The following LRRC42 variants were observed in gnomAD, a reference collection of about 807,000 sequenced individuals.
LRRC42 encodes the protein leucine rich repeat containing 42.
In LRRC42, 43 loss-of-function variants were observed where a neutral mutation model predicts 44.3. The ratio of observed to expected loss-of-function variants is 0.97; its 90% CI spans 0.76 to 1.25. The LOEUF is 1.25. LRRC42 is among the 50% of genes most tolerant of loss of function. LRRC42 has a pLI of 0.00. For missense variants in LRRC42, 540 were observed against 509.1 expected (o/e 1.06, Z -0.58); for synonymous variants, 207 against 195.2 (o/e 1.06, Z -0.50).
At chr1:53,964,215 T>C (rs1655069176) in intron 7 of LRRC42, among the ~76,000 whole-genome samples, 1 of 151,922 alleles carries the variant, frequency 6.6e-6, no homozygotes, top group Admixed American at 6.6e-5. Flanking sequence ...GAAACATGCA[T>C]GACTTATGTA....
rs1173256197 is a variant in LRRC42 at position 53,967,949 on chromosome 1, A to G, written c.*10A>G. The G allele has an allele frequency of 6.2e-7, 1 of 1,606,508 alleles. No homozygotes were observed. The highest frequency in any genetic ancestry group is 8.5e-7 in the Non-Finnish European group (1 of 1,174,662). ...GTTAAATTCCTATTGATTAGTAGAT[A>G]CAAGTTGACCTTTCTCTGGCCCCCA... On this transcript the variant is annotated 3_prime_UTR_variant, in exon 9 of 9. Coordinates refer to ENST00000371370, the MANE Select transcript of LRRC42 (RefSeq NM_001256409.2).
chr1:53,960,277 A>T (rs1191639625), intron 4 of LRRC42, 79 bp from the exon 5 acceptor site: 10 of 943,486 alleles, frequency 1.1e-5, no homozygotes, highest in African/African-American at 5.0e-5. Context: ...TTTAAATGAA[A>T]ATGTTGAAAG....
intron 7 of LRRC42, among the ~76,000 whole-genome samples, chr1:53,965,007 TG>T (rs1484824414): frequency 2.2e-4 from 25 of 112,920 alleles, no homozygotes; most frequent in South Asian, 6.9e-4. Context: ...TGTTTTTTTT[TG>T]TTTTTTTTTT....
chr1:53,960,324 G>T, intron 4 of LRRC42, 32 bp from the exon 5 acceptor site: 2 of 1,453,666 alleles, frequency 1.4e-6, no homozygotes, highest in Non-Finnish European at 1.9e-6. Context: ...AACTCTCTTT[G>T]AGTAATTTAT....
At position 53,952,073 on chromosome 1, in the gene LRRC42, A is replaced by T. The variant is rs773328376; in HGVS notation, c.74A>T (p.His25Leu). ...TACATGCGAGAAAATGGGCAGCTGC[A>T]CATGGTCAATCTGGCTCTGGATGGT... The part of the protein sequence containing the change: ...PIYMRENGQL[H>L]MVNLALDGVR... Residue 25 changes from histidine to leucine, a missense_variant, in exon 3 of 9, where the codon CAC (histidine) becomes CTC (leucine). His to Leu is a moderately conservative substitution (Grantham distance 99, BLOSUM62 -3). Transcript: ENST00000371370. 1 of 1,614,242 alleles carries T rather than the reference A, an allele frequency of 6.2e-7. No individual in the cohort carries two copies. Among genetic ancestry groups the T allele is most frequent in the South Asian group, 1.1e-5 (1 of 91,090 alleles).
At position 53,962,308 on chromosome 1, in the gene LRRC42, G is replaced by A. The variant is rs763407640; in HGVS notation, c.826G>A (p.Val276Ile). Residue 276 changes from valine to isoleucine, a missense_variant, in exon 7 of 9, where the codon GTC becomes ATC. Coordinates refer to ENST00000371370, the MANE Select transcript of LRRC42 (RefSeq NM_001256409.2). ...SGTGLKDIKT[V>I]KHKLQTHIGL... Reference sequence around the variant, plus strand: ...TCTGCCTCACTAGGACATCAAAACCGTCAAGCACAAGCTCCAGACCCACAT... The same window carrying A: ...TCTGCCTCACTAGGACATCAAAACCATCAAGCACAAGCTCCAGACCCACAT... 2.2e-5 allele frequency: 36 copies of A among 1,613,528 alleles called. No individual in the cohort carries two copies. Among genetic ancestry groups the A allele is most frequent in the African/African-American group, 2.7e-5 (2 of 74,934 alleles).
intron 6 of LRRC42, 35 bp downstream of exon 6, chr1:53,962,157 A>T (rs753859412): frequency 9.0e-6 from 14 of 1,563,302 alleles, no homozygotes; most frequent in Non-Finnish European, 1.2e-5. Flanking sequence ...ATTTTTCTAG[A>T]CTCAACAATT....
chr1:53,954,057 A>G (rs72662399), intron 3 of LRRC42, among the ~76,000 whole-genome samples: 10,838 of 152,304 alleles, frequency 0.071, 568 homozygotes, highest in Non-Finnish European at 0.098. Flanking sequence ...AAGACGCACA[A>G]TCTGCATGAG....
rs754044278 is a variant in LRRC42, at chr1:53,956,614, G to A, written c.474-1535G>A. Among the ~76,000 whole-genome samples, 7 of 152,096 alleles carry A rather than the reference G, an allele frequency of 4.6e-5. 1 individual carries two copies. The highest frequency in any genetic ancestry group is 2.6e-4 in the Admixed American group (4 of 15,266). On this transcript the variant is annotated intron_variant, in intron 3 of 8. Transcript: ENST00000371370. The stretch of plus-strand genomic sequence containing the variant: ...TATTGCTTTTCCACTGTACTGTTCC[G>A]AACCCTTTAAGGGAAAATTTGGAAG...
At chr1:53,953,864 T>G (rs1054841869) in intron 3 of LRRC42, among the ~76,000 whole-genome samples, 2 of 152,086 alleles carry the variant, frequency 1.3e-5, no homozygotes, top group African/African-American at 4.8e-5. Context: ...CCTAAGTAGC[T>G]GGGATTACAG....
intron 4 of LRRC42, 112 bp downstream of exon 4, chr1:53,958,392 CT>C (rs1443834982): frequency 1.4e-5 from 19 of 1,358,920 alleles, no homozygotes; most frequent in Non-Finnish European, 1.7e-5. Context: ...TGTTGATTTG[CT>C]TTTTTTTCCT....
intron 3 of LRRC42, 101 bp from the exon 4 acceptor site, chr1:53,958,048 C>T: frequency 6.7e-7 from 1 of 1,484,842 alleles, no homozygotes; most frequent in South Asian, 1.3e-5. Context: ...AGTACTGTGT[C>T]CTGATGGGAT....
intron 2 of LRRC42, among the ~76,000 whole-genome samples, chr1:53,949,765 G>A (rs1364713313): frequency 6.6e-6 from 1 of 152,174 alleles, no homozygotes; most frequent in East Asian, 1.9e-4. Flanking sequence ...ACCCCTTGTA[G>A]TACCAGTAGC....
At chr1:53,957,327 C>T (rs915511155) in intron 3 of LRRC42, among the ~76,000 whole-genome samples, 2 of 152,192 alleles carry the variant, frequency 1.3e-5, no homozygotes, top group Middle Eastern at 3.2e-3. Context: ...TTAGGTTCCT[C>T]TCCTCTCCAT....
Position 53,952,191 on chromosome 1 carries a change from A to C in LRRC42, c.192A>C (p.Ala64=). The C allele has an allele frequency of 6.2e-7, 1 of 1,614,132 alleles. No individual in the cohort carries two copies. The highest frequency in any genetic ancestry group is 8.5e-7 in the Non-Finnish European group (1 of 1,179,954). The change falls in exon 3 of 9, where the codon GCA becomes GCC. Residue 64 remains alanine, a synonymous_variant. Coordinates refer to ENST00000371370, the MANE Select transcript of LRRC42 (RefSeq NM_001256409.2). The stretch of plus-strand genomic sequence containing the variant: ...GCATGAACAGGGAAGACGACACTGC[A>C]CGGAAAGAGAAGACTGATCATTTCA... ...ELCMNREDDT[A]RKEKTDHFIF... is the part of the protein sequence containing the mutation.
intron 4 of LRRC42, among the ~76,000 whole-genome samples, chr1:53,959,476 G>A (rs895044937): frequency 5.3e-5 from 8 of 152,198 alleles, no homozygotes; most frequent in Admixed American, 6.5e-5. Flanking sequence ...GCTTCTGACA[G>A]TGACACCTAC....
At chr1:53,958,322 T>G (rs1356163355) in intron 4 of LRRC42, 42 bp downstream of exon 4, 1 of 1,607,984 alleles carries the variant, frequency 6.2e-7, no homozygotes, top group African/African-American at 1.3e-5. Context: ...GTTTCAGTAT[T>G]GTTTTAAAGG....
chr1:53,962,197 A>T (rs1035890150), intron 6 of LRRC42, 75 bp downstream of exon 6: 35 of 1,456,638 alleles, frequency 2.4e-5, no homozygotes, highest in Non-Finnish European at 3.2e-5. Context: ...ATTGGTATTT[A>T]GAAAGGGCTG....
At chr1:53,948,258 C>T (rs889160011) in intron 2 of LRRC42, among the ~76,000 whole-genome samples, 1 of 152,188 alleles carries the variant, frequency 6.6e-6, no homozygotes, top group Non-Finnish European at 1.5e-5. Context: ...ATTCAGCTCA[C>T]AATTTTACCC....
Sources: gnomAD v4.1 joint callset for allele counts (sites outside exome capture counted in the v4.1 genomes callset) on GRCh38, gnomAD v4.1.1 for gene constraint, MANE v1.5 for transcripts, NCBI Gene and HGNC (gene_info 2026-07-23, HGNC 2026-07-21) for gene names.